Variants in ATP8A2 observed in about 807,000 individuals in gnomAD.
ATP8A2 encodes the protein ATPase phospholipid transporting 8A2.
A neutral mutation model predicts 165.6 loss-of-function variants in ATP8A2; 100 were observed. The observed-to-expected ratio is 0.60, with a 90% CI of 0.51 to 0.71. The LOEUF (loss-of-function observed/expected upper bound fraction) is 0.71, where lower values mean the gene tolerates loss of function less well. Ranked by LOEUF, ATP8A2 falls within the 30% of genes least tolerant of loss-of-function variation. The pLI, the probability that ATP8A2 is intolerant of heterozygous loss-of-function variation, is 0.00. For synonymous variants in ATP8A2, 543 were observed against 548.8 expected, an observed-to-expected ratio of 0.99 and a Z score of 0.15; for missense variants, 1,227 against 1,479.5, an observed-to-expected ratio of 0.83 and a Z score of 2.80.
intron 18 of ATP8A2, among the ~76,000 whole-genome samples, chr13:25,572,117 G>A (rs6491064): frequency 0.67 from 102,447 of 151,864 alleles, 35,619 homozygotes; most frequent in Middle Eastern, 0.73. Flanking sequence ...AGGAGTCAGC[G>A]TTAAGATCTC....
intron 25 of ATP8A2, among the ~76,000 whole-genome samples, chr13:25,756,774 G>C (rs191134122): frequency 1.4e-3 from 207 of 152,344 alleles, no homozygotes; most frequent in African/African-American, 4.7e-3. Flanking sequence ...TGGTATGTGC[G>C]AAATCAGCAC....
intron 33 of ATP8A2, among the ~76,000 whole-genome samples, chr13:25,865,908 G>A (rs1593471669): frequency 6.6e-6 from 1 of 152,186 alleles, no homozygotes; most frequent in Non-Finnish European, 1.5e-5. Context: ...GAAAATACAT[G>A]ATGATGTTTT....
rs9578894 is a variant in ATP8A2, at chr13:25,623,722, C to T, written c.2211+34023C>T. 8.5e-3 allele frequency among the ~76,000 whole-genome samples: 1,293 copies of T among 152,108 alleles called. 15 individuals are homozygous for T. The highest frequency in any genetic ancestry group is 0.029 in the African/African-American group (1,213 of 41,492). On this transcript the variant is annotated intron_variant, in intron 24 of 36. Transcript: ENST00000381655. ...TTATCCTGATGGAAGTAAAACTGCA[C>T]GGACTTCTCTTGTGTTATAGAAATA... is the stretch of plus-strand genomic sequence containing the variant.
At chr13:25,765,770 C>T (rs1011910353) in intron 25 of ATP8A2, among the ~76,000 whole-genome samples, 1 of 152,112 alleles carries the variant, frequency 6.6e-6, no homozygotes, top group African/African-American at 2.4e-5. Flanking sequence ...AGTGGCAAGC[C>T]CAGTGAGTCT....
chr13:25,552,091 A>G (rs1373374916), intron 11 of ATP8A2, among the ~76,000 whole-genome samples: 2 of 151,980 alleles, frequency 1.3e-5, no homozygotes, highest in Admixed American at 6.6e-5. Context: ...GGTTCAAGCA[A>G]TTCTCCTGCC....
At chr13:25,889,816 AG>A (rs1319304257) in intron 33 of ATP8A2, among the ~76,000 whole-genome samples, 1 of 151,764 alleles carries the variant, frequency 6.6e-6, no homozygotes, top group Non-Finnish European at 1.5e-5. Flanking sequence ...ATTGGTCTGA[AG>A]GTTTTTTTTC....
At chr13:25,451,369 G>T (rs578093692) in intron 1 of ATP8A2, among the ~76,000 whole-genome samples, 11 of 152,080 alleles carry the variant, frequency 7.2e-5, no homozygotes, top group Admixed American at 7.2e-4. Context: ...AAGAGAGTGC[G>T]ATCCTAGCAC....
intron 25 of ATP8A2, among the ~76,000 whole-genome samples, chr13:25,736,866 A>T (rs2043782086): frequency 6.6e-6 from 1 of 152,178 alleles, no homozygotes; most frequent in Admixed American, 6.5e-5. Context: ...AGGGAATATA[A>T]CCAGCGATTG....
intron 20 of ATP8A2, among the ~76,000 whole-genome samples, chr13:25,577,411 A>G (rs182534593): frequency 6.6e-5 from 10 of 152,306 alleles, no homozygotes; most frequent in African/African-American, 2.4e-4. Context: ...CTTGAATGGG[A>G]ATTCTTATTC....
intron 30 of ATP8A2, among the ~76,000 whole-genome samples, chr13:25,854,316 A>G (rs1952092381): frequency 6.6e-6 from 1 of 152,052 alleles, no homozygotes; most frequent in South Asian, 2.1e-4. Context: ...CTACATCCAA[A>G]TCATAAGAAA....
chr13:25,399,596 G>T (rs1421636998), intron 1 of ATP8A2, among the ~76,000 whole-genome samples: 1 of 123,058 alleles, frequency 8.1e-6, no homozygotes, highest in African/African-American at 3.0e-5. Context: ...TAGAGACGGG[G>T]TTTCACCGTT....
intron 2 of ATP8A2, among the ~76,000 whole-genome samples, chr13:25,506,865 A>G (rs2037053163): frequency 1.3e-5 from 2 of 151,108 alleles, no homozygotes; most frequent in African/African-American, 4.9e-5. Context: ...AAAGGTTTGG[A>G]TTTTAGAGCA....
chr13:25,513,721 G>A (rs1593437227), intron 2 of ATP8A2, among the ~76,000 whole-genome samples: 2 of 152,176 alleles, frequency 1.3e-5, no homozygotes, highest in East Asian at 3.9e-4. Flanking sequence ...TCGGGAGGCC[G>A]AGGCTGGCGG....
At chr13:25,509,420 T>C (rs572716504) in intron 2 of ATP8A2, among the ~76,000 whole-genome samples, 16 of 152,252 alleles carry the variant, frequency 1.1e-4, no homozygotes, top group Admixed American at 1.0e-3. Flanking sequence ...ACAAACTATT[T>C]ACAAAATTTT....
At chr13:25,633,391 A>G (rs1044426001) in intron 24 of ATP8A2, among the ~76,000 whole-genome samples, 1 of 152,196 alleles carries the variant, frequency 6.6e-6, no homozygotes, top group African/African-American at 2.4e-5. Context: ...CACGAGCCTC[A>G]GAACAGCTTA....
chr13:25,471,031 G>T (rs571388686), intron 2 of ATP8A2, among the ~76,000 whole-genome samples: 2 of 152,126 alleles, frequency 1.3e-5, no homozygotes, highest in East Asian at 3.8e-4. Context: ...GGTGATGGTT[G>T]CACAACTCTG....
At chr13:25,533,171 T>C in intron 5 of ATP8A2, 102 bp from the exon 6 acceptor site, 2 of 702,660 alleles carry the variant, frequency 2.8e-6, no homozygotes, top group Non-Finnish European at 5.0e-6. Context: ...TAGGGTATGT[T>C]AGAATTAATA....
rs116909805 is a variant in ATP8A2, at chr13:25,983,652, T to C, written c.3377+14973T>C. ...TGAGAACTTTCCAGGCATGGTTCCT[T>C]TCTTGTAGTTGTGAACTTAAAGGTG... is the stretch of plus-strand genomic sequence containing the variant. On this transcript the variant is annotated intron_variant, in intron 35 of 36. Transcript: ENST00000381655. Among the ~76,000 whole-genome samples the C allele has an allele frequency of 6.5e-3, 986 of 152,292 alleles. 5 individuals carry two copies. The highest frequency in any genetic ancestry group is 0.027 in the Middle Eastern group (8 of 294).
chr13:25,723,943 TG>T (rs1399538233), intron 25 of ATP8A2, among the ~76,000 whole-genome samples: 1 of 152,168 alleles, frequency 6.6e-6, no homozygotes, highest in Non-Finnish European at 1.5e-5. Flanking sequence ...TGATGGACCG[TG>T]GCTGGTTTGA....
Sources: gnomAD v4.1 joint callset for allele counts (sites outside exome capture counted in the v4.1 genomes callset) on GRCh38, gnomAD v4.1.1 for gene constraint, MANE v1.5 for transcripts, NCBI Gene and HGNC (gene_info 2026-07-23, HGNC 2026-07-21) for gene names.